Variants in SGCD observed in about 807,000 individuals in gnomAD.
The protein encoded by SGCD is delta-sarcoglycan.
A neutral mutation model predicts 36.6 loss-of-function variants in SGCD; 18 were observed. That is an observed-to-expected ratio of 0.49 (90% CI 0.34 to 0.73). The LOEUF (loss-of-function observed/expected upper bound fraction) is 0.73. Ranked by LOEUF, SGCD falls within the 30% of genes least tolerant of loss-of-function variation. The probability of loss-of-function intolerance (pLI) is 0.01; values close to 1 mark genes in which losing one functional copy is unlikely to be tolerated. For synonymous variants in SGCD, 133 were observed against 130.6 expected, an observed-to-expected ratio of 1.02 and a Z score of -0.12; for missense variants, 387 against 346.7, an observed-to-expected ratio of 1.12 and a Z score of -0.92.
At chr5:156,667,161 C>T (rs1753080156) in intron 7 of SGCD, among the ~76,000 whole-genome samples, 1 of 152,090 alleles carries the variant, frequency 6.6e-6, no homozygotes. Flanking sequence ...TGGAAAAATC[C>T]ATAATTCAAA....
At chr5:155,901,286 T>C (rs1756384320) in intron 1 of SGCD, among the ~76,000 whole-genome samples, 1 of 148,534 alleles carries the variant, frequency 6.7e-6, no homozygotes, top group African/African-American at 2.5e-5. Flanking sequence ...CACTCCAGCC[T>C]GGGCAACAAG....
rs185513712 is a variant in SGCD at position 156,734,359 on chromosome 5, A to G, written c.576-23222A>G. On this transcript the variant is annotated intron_variant, in intron 7 of 8. Transcript: ENST00000337851. ...GTAGAATCTGATGATTATGTGTCTT[A>G]GGGATGATTTTCTCATGGAAAATCT... Among the ~76,000 whole-genome samples, 1,029 of 150,992 alleles carry G rather than the reference A, an allele frequency of 6.8e-3. 4 individuals carry two copies. Among genetic ancestry groups the G allele is most frequent in the Non-Finnish European group, 0.012 (784 of 67,722 alleles).
intron 3 of SGCD, among the ~76,000 whole-genome samples, chr5:156,250,766 G>A (rs1225937174): frequency 6.6e-6 from 1 of 152,052 alleles, no homozygotes; most frequent in Non-Finnish European, 1.5e-5. Flanking sequence ...TAGCGATCAG[G>A]GAAAATTAAA....
intron 1 of SGCD, among the ~76,000 whole-genome samples, chr5:155,911,293 ATGTGTGTGTGTG>A (rs371986965): frequency 9.2e-5 from 13 of 141,604 alleles, no homozygotes; most frequent in Non-Finnish European, 1.5e-4. Context: ...AGTATAGTAT[ATGTGTGTGTGTG>A]TGTGTGTGTG....
chr5:156,435,842 T>C (rs1753217833), intron 3 of SGCD, among the ~76,000 whole-genome samples: 1 of 152,210 alleles, frequency 6.6e-6, no homozygotes, highest in Admixed American at 6.5e-5. Flanking sequence ...TAAAATTCTC[T>C]CTGGATTGGG....
intron 3 of SGCD, among the ~76,000 whole-genome samples, chr5:156,422,551 G>A (rs1264444947): frequency 2.0e-5 from 3 of 151,936 alleles, no homozygotes; most frequent in Non-Finnish European, 2.9e-5. Flanking sequence ...CAAGATCCTC[G>A]ATATCCATAA....
At chr5:156,429,006 T>C (rs1773797142) in intron 3 of SGCD, among the ~76,000 whole-genome samples, 1 of 152,056 alleles carries the variant, frequency 6.6e-6, no homozygotes, top group African/African-American at 2.4e-5. Context: ...TAATGTATAT[T>C]CTGCATCTGC....
intron 2 of SGCD, among the ~76,000 whole-genome samples, chr5:156,332,092 G>A (rs1235335784): frequency 6.6e-6 from 1 of 152,110 alleles, no homozygotes; most frequent in African/African-American, 2.4e-5. Context: ...CCAGTGTCTG[G>A]ACAGCATAAT....
At chr5:156,123,379 G>A (rs963399058) in intron 2 of SGCD, among the ~76,000 whole-genome samples, 1 of 152,086 alleles carries the variant, frequency 6.6e-6, no homozygotes, top group Non-Finnish European at 1.5e-5. Context: ...AGATGGAGTG[G>A]CCAGTGGTCG....
chr5:156,589,945 A>G (rs1269737383), intron 5 of SGCD, among the ~76,000 whole-genome samples: 1 of 152,228 alleles, frequency 6.6e-6, no homozygotes, highest in Non-Finnish European at 1.5e-5. Flanking sequence ...GTTATTCACA[A>G]TAATGATTAT....
chr5:155,863,110 G>A, the SGCD span, among the ~76,000 whole-genome samples: 1 of 152,156 alleles, frequency 6.6e-6, no homozygotes, highest in African/African-American at 2.4e-5. Context: ...TGGCTTCACT[G>A]AAGGCAGGGC....
rs370142716 is a variant in SGCD, at chr5:156,185,920, T to C, written c.-44+61901T>C. Among the ~76,000 whole-genome samples the C allele has an allele frequency of 1.1e-3, 147 of 136,854 alleles. 1 individual carries two copies. The highest frequency in any genetic ancestry group is 3.8e-3 in the African/African-American group (139 of 36,272). 89.8% of individuals were successfully genotyped at this position (136,854 alleles called of 152,430 possible). ...CTCCCATATGCTTTCTTTACTGTGT[T>C]CATAATTGCTCTGTTTCAGAACTCT... On this transcript the variant is annotated intron_variant, in intron 3 of 9. Coordinates refer to the SGCD transcript ENST00000517913.
At chr5:155,835,921 G>T in the SGCD span, among the ~76,000 whole-genome samples, 6 of 152,140 alleles carry the variant, frequency 3.9e-5, no homozygotes, top group South Asian at 1.2e-3. Context: ...CCTTTGCCCA[G>T]GGTATCCACT....
At chr5:156,748,943 T>G (rs1757047745) in intron 7 of SGCD, among the ~76,000 whole-genome samples, 1 of 152,092 alleles carries the variant, frequency 6.6e-6, no homozygotes, top group Non-Finnish European at 1.5e-5. Context: ...TTTTGTATTT[T>G]CAGTAGAGAT....
the SGCD span, among the ~76,000 whole-genome samples, chr5:155,755,442 T>A: frequency 1.3e-5 from 2 of 152,210 alleles, no homozygotes; most frequent in African/African-American, 2.4e-5. Flanking sequence ...TAAAACAATT[T>A]GTCTTGGAGT....
At chr5:156,702,966 A>G (rs1044552277) in intron 7 of SGCD, among the ~76,000 whole-genome samples, 2 of 152,200 alleles carry the variant, frequency 1.3e-5, no homozygotes, top group African/African-American at 4.8e-5. Context: ...ATTAAAAAAG[A>G]TTTGGTCTCC....
In SGCD at chr5:155,888,201, C is replaced by A. The variant is rs72797614; in HGVS notation, c.-282+17777C>A. ...GCAGTTTCCTGTATGGTCACTTTGT[C>A]CCCAGGTTCTCCTTTCTCAAACCAT... On this transcript the variant is annotated intron_variant, in intron 1 of 9. Coordinates refer to the SGCD transcript ENST00000517913. Among the ~76,000 whole-genome samples, 733 of 152,278 alleles carry A rather than the reference C, an allele frequency of 4.8e-3. 5 individuals carry two copies. Among genetic ancestry groups the A allele is most frequent in the South Asian group, 0.039 (189 of 4,824 alleles).
intron 1 of SGCD, among the ~76,000 whole-genome samples, chr5:155,937,225 G>A (rs547289131): frequency 1.3e-5 from 2 of 152,210 alleles, no homozygotes; most frequent in South Asian, 2.1e-4. Context: ...GCCTGTTCCC[G>A]GCTCCCACTG....
intron 3 of SGCD, among the ~76,000 whole-genome samples, chr5:156,450,378 G>T (rs1753953797): frequency 6.6e-6 from 1 of 151,954 alleles, no homozygotes; most frequent in Non-Finnish European, 1.5e-5. Flanking sequence ...CTGGATAGGG[G>T]GCTTAAGGAG....
Sources: gnomAD v4.1 joint callset for allele counts (sites outside exome capture counted in the v4.1 genomes callset) on GRCh38, gnomAD v4.1.1 for gene constraint, MANE v1.5 for transcripts, NCBI Gene and HGNC (gene_info 2026-07-23, HGNC 2026-07-21) for gene names.